The following NAA35 variants were observed in gnomAD, a reference collection of about 807,000 sequenced individuals.
NAA35 encodes the protein MAK10 homolog, amino-acid N-acetyltransferase subunit.
Under a neutral mutation model 101.7 loss-of-function variants are expected in NAA35, and 18 were observed. The observed-to-expected ratio is 0.18, with a 90% CI of 0.12 to 0.26. NAA35 has a LOEUF of 0.26. Ranked by LOEUF, NAA35 falls within the 10% of genes least tolerant of loss-of-function variation. The probability of loss-of-function intolerance (pLI) is 1.00; values close to 1 mark genes in which losing one functional copy is unlikely to be tolerated. For synonymous variants in NAA35, 267 were observed against 273.1 expected (o/e 0.98, Z 0.22); for missense variants, 601 against 886.8 (o/e 0.68, Z 4.09).
At chr9:85,983,506 A>G (rs928766077) in intron 11 of NAA35, among the ~76,000 whole-genome samples, 1 of 152,106 alleles carries the variant, frequency 6.6e-6, no homozygotes, top group Non-Finnish European at 1.5e-5. Context: ...GTATATAGTT[A>G]AGGGTGGAAA....
chr9:85,964,504 G>A (rs1164932538), intron 6 of NAA35, among the ~76,000 whole-genome samples: 2 of 152,070 alleles, frequency 1.3e-5, no homozygotes, highest in Non-Finnish European at 2.9e-5. Flanking sequence ...AATCCTTAGT[G>A]TTTTTTCCCT....
intron 14 of NAA35, among the ~76,000 whole-genome samples, chr9:86,009,013 GCT>G (rs1564323239): frequency 6.6e-6 from 1 of 152,048 alleles, no homozygotes; most frequent in African/African-American, 2.4e-5. Context: ...GTCTTCTAGA[GCT>G]CTCTTACCTA....
intron 6 of NAA35, among the ~76,000 whole-genome samples, chr9:85,962,397 A>G (rs944565315): frequency 6.7e-6 from 1 of 148,438 alleles, no homozygotes. Context: ...AGGCTGAGGC[A>G]TGAGAGTTGC....
chr9:85,958,234 C>T (rs551362790), intron 3 of NAA35, among the ~76,000 whole-genome samples: 68 of 152,308 alleles, frequency 4.5e-4, no homozygotes, highest in Middle Eastern at 6.8e-3. Flanking sequence ...AGCCACCACA[C>T]CCGGCAGAAA....
At chr9:86,007,930 A>G (rs1831721459) in intron 14 of NAA35, among the ~76,000 whole-genome samples, 1 of 152,170 alleles carries the variant, frequency 6.6e-6, no homozygotes, top group Non-Finnish European at 1.5e-5. Context: ...AAGATACACG[A>G]TGGCTTTCTA....
intron 6 of NAA35, among the ~76,000 whole-genome samples, chr9:85,973,750 T>G (rs1226002142): frequency 7.3e-6 from 1 of 136,518 alleles, no homozygotes; most frequent in East Asian, 5.0e-4. Context: ...ATGATGAGTG[T>G]TTTTTTTTTT....
intron 11 of NAA35, among the ~76,000 whole-genome samples, chr9:85,980,234 T>G (rs1015643942): frequency 6.6e-6 from 1 of 152,138 alleles, no homozygotes; most frequent in African/African-American, 2.4e-5. Context: ...ATCTGGAAGC[T>G]CTCTGAACTG....
intron 2 of NAA35, among the ~76,000 whole-genome samples, chr9:85,948,260 T>C (rs980038215): frequency 2.0e-5 from 3 of 152,202 alleles, no homozygotes; most frequent in Admixed American, 6.5e-5. Flanking sequence ...TGCATACTTC[T>C]GTTTTACACA....
Position 86,013,089 on chromosome 9 carries a change from G to A in NAA35, c.1334G>A (p.Arg445Gln). ...LIQIHGHNRA[R>Q]QRDKLGHILE... ...CAGATCCATGGACATAACAGGGCTCGACAGAGAGATAAGCTTGGTCATATT... is the reference window on the plus strand; with the variant it reads ...CAGATCCATGGACATAACAGGGCTCAACAGAGAGATAAGCTTGGTCATATT... Residue 445 changes from arginine (R) to glutamine (Q), a missense_variant, in exon 16 of 23, where the codon CGA (arginine) becomes CAA (glutamine). Arg to Gln is a conservative substitution (Grantham distance 43). This residue lies in a region of NAA35 where 99 missense variants were observed against 206.7 expected (regional missense o/e 0.48). Transcript: ENST00000361671. The A allele has an allele frequency of 6.3e-7, 1 of 1,596,280 alleles. No homozygotes were observed. The highest frequency in any genetic ancestry group is 8.6e-7 in the Non-Finnish European group (1 of 1,167,610).
In NAA35 at chr9:86,007,426, A is replaced by T. The variant is rs1478524653; in HGVS notation, c.1185A>T (p.Ala395=). The T allele has an allele frequency of 2.5e-6, 4 of 1,613,710 alleles. No individual in the cohort carries two copies. The highest frequency in any genetic ancestry group is 3.4e-6 in the Non-Finnish European group (4 of 1,179,776). ...THLMQDMVKD[A]LRSFVSPPVL... ...TCATGCAAGACATGGTGAAAGATGCACTTCGGTCTTTTGTCAGTCCTCCGG... is the reference window on the plus strand; with the variant it reads ...TCATGCAAGACATGGTGAAAGATGCTCTTCGGTCTTTTGTCAGTCCTCCGG... The change falls in exon 14 of 23, where the codon GCA becomes GCT. Residue 395 remains alanine (A), a synonymous_variant. Transcript: ENST00000361671.
intron 11 of NAA35, among the ~76,000 whole-genome samples, chr9:85,995,018 T>C (rs1171024345): frequency 6.6e-6 from 1 of 152,082 alleles, no homozygotes; most frequent in Non-Finnish European, 1.5e-5. Context: ...CTATCATACA[T>C]CAGTTTTTAA....
At chr9:86,004,604 A>G (rs911823402) in intron 13 of NAA35, among the ~76,000 whole-genome samples, 3 of 152,222 alleles carry the variant, frequency 2.0e-5, no homozygotes, top group African/African-American at 7.2e-5. Context: ...CAGAAAAACA[A>G]TGGAGAAAAT....
At chr9:85,997,152 GGGTCTCAC>G (rs1831196836) in intron 12 of NAA35, among the ~76,000 whole-genome samples, 2 of 151,200 alleles carry the variant, frequency 1.3e-5, no homozygotes, top group South Asian at 4.2e-4. Flanking sequence ...TGTAGAGATG[GGGTCTCAC>G]TATGTTACCC....
intron 11 of NAA35, among the ~76,000 whole-genome samples, chr9:85,982,133 G>A (rs548523088): frequency 1.3e-5 from 2 of 152,306 alleles, no homozygotes; most frequent in African/African-American, 4.8e-5. Flanking sequence ...GGTGGATAAG[G>A]AGGGCAGCTT....
At chr9:85,954,899 G>T (rs1307535801) in intron 2 of NAA35, among the ~76,000 whole-genome samples, 1 of 152,108 alleles carries the variant, frequency 6.6e-6, no homozygotes, top group African/African-American at 2.4e-5. Flanking sequence ...TATGTGTTCT[G>T]CTATGTTTTG....
At chr9:85,991,989 G>T (rs1025347409) in intron 11 of NAA35, among the ~76,000 whole-genome samples, 1 of 151,776 alleles carries the variant, frequency 6.6e-6, no homozygotes, top group African/African-American at 2.4e-5. Context: ...CCTGGCTAAC[G>T]CGGTGAAACC....
chr9:85,958,054 G>T (rs1171947215), intron 3 of NAA35, among the ~76,000 whole-genome samples: 1 of 151,520 alleles, frequency 6.6e-6, no homozygotes, highest in East Asian at 1.9e-4. Flanking sequence ...CGATTCTCCT[G>T]CCTCAGCCTC....
intron 4 of NAA35, among the ~76,000 whole-genome samples, 182 bp downstream of exon 4, chr9:85,958,768 T>G (rs1352947960): frequency 6.6e-6 from 1 of 152,240 alleles, no homozygotes; most frequent in Non-Finnish European, 1.5e-5. Flanking sequence ...AGGTCTTCAT[T>G]AAAATCTTGC....
At chr9:86,002,394 T>C (rs1443082691) in intron 12 of NAA35, among the ~76,000 whole-genome samples, 14 of 152,190 alleles carry the variant, frequency 9.2e-5, no homozygotes, top group African/African-American at 2.4e-5. Context: ...TGAATTTGAA[T>C]GTTGGCTTCT....
Sources: gnomAD v4.1 joint callset for allele counts (sites outside exome capture counted in the v4.1 genomes callset) on GRCh38, gnomAD v4.1.1 for gene constraint, gnomAD v4.1.1 regional missense constraint, MANE v1.5 for transcripts, NCBI Gene and HGNC (gene_info 2026-07-23, HGNC 2026-07-21) for gene names.